MAN1A2: variants seen among roughly 807,000 people sequenced by gnomAD.
MAN1A2 encodes the protein mannosidase alpha class 1A member 2.
Under a neutral mutation model 75.7 loss-of-function variants are expected in MAN1A2, and 26 were observed. The ratio of observed to expected loss-of-function variants is 0.34; its 90% confidence interval spans 0.25 to 0.48. The LOEUF is 0.48. Ranked by LOEUF, MAN1A2 falls within the 20% of genes least tolerant of loss-of-function variation. MAN1A2 has a pLI of 0.99. For missense variants in MAN1A2, 562 were observed against 775.5 expected, an observed-to-expected ratio of 0.72 and a Z score of 3.27; for synonymous variants, 247 against 264.6, an observed-to-expected ratio of 0.93 and a Z score of 0.65.
chr1:117,416,573 C>G (rs756903346), intron 4 of MAN1A2, among the ~76,000 whole-genome samples: 2 of 152,126 alleles, frequency 1.3e-5, no homozygotes, highest in African/African-American at 2.4e-5. Flanking sequence ...AGGAACCAGA[C>G]TATGCCATTT....
chr1:117,395,283 A>G (rs1274153982), intron 1 of MAN1A2, among the ~76,000 whole-genome samples: 19 of 152,228 alleles, frequency 1.2e-4, no homozygotes, highest in Admixed American at 1.2e-3. Context: ...TATCTCTCTC[A>G]GTATTTGCAT....
intron 1 of MAN1A2, among the ~76,000 whole-genome samples, chr1:117,393,588 A>G (rs1463232120): frequency 6.6e-6 from 1 of 152,170 alleles, no homozygotes; most frequent in South Asian, 2.1e-4. Context: ...TTTGTCATAA[A>G]AAAACTTTTA....
At chr1:117,381,308 G>T (rs929619673) in intron 1 of MAN1A2, among the ~76,000 whole-genome samples, 1 of 152,026 alleles carries the variant, frequency 6.6e-6, no homozygotes, top group African/African-American at 2.4e-5. Context: ...TTAGCATTAG[G>T]TATATCTCCT....
At chr1:117,501,843 G>A (rs1003533761) in intron 11 of MAN1A2, among the ~76,000 whole-genome samples, 2 of 151,750 alleles carry the variant, frequency 1.3e-5, no homozygotes, top group Admixed American at 6.6e-5. Context: ...GGCAGACAGC[G>A]ATGGTTAGTT....
At chr1:117,423,200 G>A (rs921685489) in intron 5 of MAN1A2, among the ~76,000 whole-genome samples, 2 of 152,130 alleles carry the variant, frequency 1.3e-5, no homozygotes, top group African/African-American at 2.4e-5. Context: ...GATTAGGTAT[G>A]TGTGGGTCTA....
At chr1:117,476,872 T>C (rs996257375) in intron 8 of MAN1A2, among the ~76,000 whole-genome samples, 5 of 152,114 alleles carry the variant, frequency 3.3e-5, no homozygotes, top group African/African-American at 1.2e-4. Context: ...AAATTTAAAG[T>C]AGTTTTTTCT....
At chr1:117,495,919 A>G (rs1651025014) in intron 9 of MAN1A2, among the ~76,000 whole-genome samples, 1 of 152,078 alleles carries the variant, frequency 6.6e-6, no homozygotes, top group Non-Finnish European at 1.5e-5. Flanking sequence ...ATTATCTAAG[A>G]GCACCATTCA....
At chr1:117,463,728 A>G (rs1203065640) in intron 7 of MAN1A2, among the ~76,000 whole-genome samples, 6 of 152,120 alleles carry the variant, frequency 3.9e-5, no homozygotes, top group Middle Eastern at 6.8e-3. Flanking sequence ...AAAAAAAGTC[A>G]CCATGAGTAA....
At chr1:117,414,079 A>G (rs761948705) in intron 3 of MAN1A2, among the ~76,000 whole-genome samples, 3 of 151,348 alleles carry the variant, frequency 2.0e-5, no homozygotes, top group Non-Finnish European at 4.4e-5. Flanking sequence ...GATAAGGATT[A>G]TCTCTTTCTT....
chr1:117,483,624 T>C (rs926342706), intron 8 of MAN1A2, among the ~76,000 whole-genome samples: 4 of 152,162 alleles, frequency 2.6e-5, no homozygotes, highest in Admixed American at 2.0e-4. Context: ...GCTTATCAGC[T>C]TAAGGAGATT....
intron 7 of MAN1A2, among the ~76,000 whole-genome samples, chr1:117,463,162 GAC>G (rs1258170388): frequency 1.3e-5 from 2 of 150,932 alleles, no homozygotes; most frequent in Non-Finnish European, 1.5e-5. Flanking sequence ...AAATATTAAA[GAC>G]AGTACAAATT....
intron 5 of MAN1A2, among the ~76,000 whole-genome samples, chr1:117,423,733 T>C (rs1055734331): frequency 6.6e-6 from 1 of 152,156 alleles, no homozygotes; most frequent in Non-Finnish European, 1.5e-5. Flanking sequence ...TAGAAAACTT[T>C]GTGATACTAT....
intron 5 of MAN1A2, among the ~76,000 whole-genome samples, chr1:117,427,118 A>G (rs1013651497): frequency 1.3e-5 from 2 of 152,010 alleles, no homozygotes; most frequent in African/African-American, 4.8e-5. Flanking sequence ...GATACAGTTT[A>G]AAATTACTCA....
intron 2 of MAN1A2, among the ~76,000 whole-genome samples, chr1:117,403,166 A>G (rs919748715): frequency 2.0e-5 from 3 of 152,208 alleles, no homozygotes; most frequent in Admixed American, 6.5e-5. Flanking sequence ...TGTACCAACA[A>G]TATTTCAGAA....
At chr1:117,405,683 A>G in intron 3 of MAN1A2, 38 bp downstream of exon 3, 1 of 1,113,982 alleles carries the variant, frequency 9.0e-7, no homozygotes, top group Non-Finnish European at 1.4e-6. Context: ...TCCATTTTCT[A>G]CCTCCATCTT....
At chr1:117,466,812 C>A (rs12135190) in intron 8 of MAN1A2, among the ~76,000 whole-genome samples, 14,604 of 152,006 alleles carry the variant, frequency 0.096, 906 homozygotes, top group Non-Finnish European at 0.14. Context: ...GGCAGTTGTT[C>A]TTGGATAAGC....
In MAN1A2 at chr1:117,518,515, G is replaced by A. The variant is rs958029968; in HGVS notation, c.1794-4310G>A. 4.0e-5 allele frequency among the ~76,000 whole-genome samples: 6 copies of A among 151,740 alleles called. No individual in the cohort carries two copies. In the South Asian group the frequency reaches 1.2e-3, roughly 31 times the overall value. On this transcript the variant is annotated intron_variant, in intron 12 of 12. Coordinates refer to ENST00000356554, the MANE Select transcript of MAN1A2 (RefSeq NM_006699.5). ...AAAGTGAAATTGATTTAAAAAAACA[G>A]TAAAGAAGAAAAAGTTTTTAAAAAG... is the stretch of plus-strand genomic sequence containing the variant.
chr1:117,470,617 CTATTCACTGGT>C (rs1465813563), intron 8 of MAN1A2, among the ~76,000 whole-genome samples: 3 of 151,958 alleles, frequency 2.0e-5, no homozygotes, highest in African/African-American at 4.8e-5. Flanking sequence ...ATAGAAAGAG[CTATTCACTGGT>C]TATTTTGGCA....
chr1:117,450,006 T>C (rs1420760123), intron 6 of MAN1A2, among the ~76,000 whole-genome samples: 1 of 152,124 alleles, frequency 6.6e-6, no homozygotes, highest in East Asian at 1.9e-4. Flanking sequence ...GGGACATCGC[T>C]GAAAAGATGC....
Sources: gnomAD v4.1 joint callset for allele counts (sites outside exome capture counted in the v4.1 genomes callset) on GRCh38, gnomAD v4.1.1 for gene constraint, MANE v1.5 for transcripts, NCBI Gene and HGNC (gene_info 2026-07-23, HGNC 2026-07-21) for gene names.